Variants in P4HA1 observed in about 807,000 individuals in gnomAD.
P4HA1 encodes the protein prolyl 4-hydroxylase subunit alpha 1.
A neutral mutation model predicts 72.8 loss-of-function variants in P4HA1; 24 were observed. The observed-to-expected ratio is 0.33, with a 90% CI of 0.24 to 0.46. The LOEUF (loss-of-function observed/expected upper bound fraction) is 0.46, where lower values mean the gene tolerates loss of function less well. Among genes scored for constraint, P4HA1 ranks in the 20% least tolerant of loss-of-function variants. P4HA1 has a pLI of 1.00. For synonymous variants in P4HA1, 201 were observed against 218.8 expected, an observed-to-expected ratio of 0.92 and a Z score of 0.72; for missense variants, 446 against 640.6, an observed-to-expected ratio of 0.70 and a Z score of 3.28.
chr10:73,030,322 C>T lies in P4HA1; in HGVS notation c.1197G>A (p.Met399Ile), dbSNP rs1344029503. The T allele has an allele frequency of 1.3e-6, 2 of 1,580,862 alleles. No homozygotes were observed. The highest frequency in any genetic ancestry group is 1.7e-5 in the Admixed American group (1 of 58,878). ...CTAGTCCTGTTAGATCTTGTATTCT[C>T]ATATTAATTCGAGACACCACAGGAT... ...YENPVVSRIN[M>I]RIQDLTGLDV... The change falls in exon 10 of 15, where the codon ATG becomes ATA. Residue 399 changes from methionine (M) to isoleucine (I), a missense_variant. By Grantham distance (10) the Met-to-Ile change is conservative. Transcript: ENST00000394890.
chr10:73,019,857 G>GA (rs919740416), intron 10 of P4HA1, among the ~76,000 whole-genome samples: 5 of 149,302 alleles, frequency 3.3e-5, no homozygotes, highest in African/African-American at 9.8e-5. Context: ...ACTCAGAGGG[G>GA]AAAAAAAAAG....
chr10:73,040,501 G>A (rs1176685148), intron 9 of P4HA1, among the ~76,000 whole-genome samples: 1 of 139,572 alleles, frequency 7.2e-6, no homozygotes, highest in Admixed American at 7.3e-5. Flanking sequence ...TTTTTGAGAT[G>A]GATCTCTCTC....
chr10:73,058,868 G>A (rs561009271), intron 5 of P4HA1, among the ~76,000 whole-genome samples: 18 of 142,362 alleles, frequency 1.3e-4, no homozygotes, highest in Admixed American at 2.2e-4. Context: ...TCCGTGCCCC[G>A]CCGGGTTCAA....
chr10:73,067,362 G>C (rs1192576702), intron 5 of P4HA1, among the ~76,000 whole-genome samples: 1 of 152,156 alleles, frequency 6.6e-6, no homozygotes, highest in Admixed American at 6.5e-5. Context: ...TCGGCAGCCA[G>C]AATGGTTTTC....
intron 1 of P4HA1, among the ~76,000 whole-genome samples, chr10:73,096,180 T>A (rs980399778): frequency 6.6e-6 from 1 of 152,226 alleles, no homozygotes; most frequent in Non-Finnish European, 1.5e-5. Context: ...TGGCAGCTAA[T>A]GCTGCACCGC....
intron 10 of P4HA1, among the ~76,000 whole-genome samples, chr10:73,028,618 A>G (rs1466057502): frequency 6.6e-6 from 1 of 152,036 alleles, no homozygotes; most frequent in Non-Finnish European, 1.5e-5. Context: ...ATTTTTTAGT[A>G]GAGACGGGGT....
intron 5 of P4HA1, among the ~76,000 whole-genome samples, chr10:73,067,556 C>G (rs1185622836): frequency 6.6e-6 from 1 of 152,132 alleles, no homozygotes; most frequent in Non-Finnish European, 1.5e-5. Flanking sequence ...GGTGCGTTCA[C>G]CTCTTGAACT....
At chr10:73,073,905 T>TCAA in intron 2 of P4HA1, 78 bp from the exon 3 acceptor site, 1 of 762,598 alleles carries the variant, frequency 1.3e-6, no homozygotes, top group Non-Finnish European at 2.4e-6. Flanking sequence ...TTGAGACTGT[T>TCAA]TCATTCTATG....
Position 73,053,390 on chromosome 10 carries a change from C to T in P4HA1, c.664G>A (p.Asp222Asn), listed in dbSNP as rs778735708. 10 of 1,613,996 alleles carry T rather than the reference C, an allele frequency of 6.2e-6. No homozygotes were observed. The highest frequency in any genetic ancestry group is 7.6e-6 in the Non-Finnish European group (9 of 1,179,970). The change falls in exon 6 of 15, where the codon GAT becomes AAT. Residue 222 changes from aspartate to asparagine, a missense_variant. Transcript: ENST00000394890. ...TTCTTTGTGAGCAAAAGTGCCTTAT[C>T]CAGGTCTCCCTGCTGATATACCGCA... Reference protein sequence around the residue: ...SYAVYQQGDLDKALLLTKKLL... With the variant: ...SYAVYQQGDLNKALLLTKKLL...
chr10:73,059,984 C>G (rs924540812), intron 5 of P4HA1, among the ~76,000 whole-genome samples: 1 of 151,786 alleles, frequency 6.6e-6, no homozygotes, highest in Non-Finnish European at 1.5e-5. Flanking sequence ...AAAGAAAAAA[C>G]GAGGACAATC....
At chr10:73,069,897 A>G (rs1248079541) in intron 4 of P4HA1, among the ~76,000 whole-genome samples, 1 of 148,988 alleles carries the variant, frequency 6.7e-6, no homozygotes, top group Non-Finnish European at 1.5e-5. Context: ...TGCAACCTCC[A>G]CCTCCCAGGT....
At position 73,090,431 on chromosome 10, in the gene P4HA1, A is replaced by AC. The variant is rs574511680; in HGVS notation, c.-33+6334dup. Among the ~76,000 whole-genome samples, 964 of 152,302 alleles carry AC rather than the reference A, an allele frequency of 6.3e-3. 5 individuals are homozygous for AC. Among genetic ancestry groups the AC allele is most frequent in the Non-Finnish European group, 0.01 (683 of 68,018 alleles). ...TTACAGGCCTAAGCCACTGTGCCTG[A>AC]CCTTGAGGATACTCTTGAAGGTGAT... On this transcript the variant is annotated intron_variant, in intron 1 of 14. Coordinates refer to ENST00000394890, the MANE Select transcript of P4HA1 (RefSeq NM_001017962.3).
At chr10:73,062,448 C>G (rs934014937) in intron 5 of P4HA1, among the ~76,000 whole-genome samples, 2 of 151,992 alleles carry the variant, frequency 1.3e-5, no homozygotes, top group African/African-American at 4.8e-5. Context: ...AACAACATTT[C>G]TCTCAGAATA....
At chr10:73,035,358 A>G (rs532064303) in intron 9 of P4HA1, among the ~76,000 whole-genome samples, 1 of 152,304 alleles carries the variant, frequency 6.6e-6, no homozygotes, top group East Asian at 1.9e-4. Context: ...TTTACAAAAA[A>G]AATTAAAATA....
intron 4 of P4HA1, among the ~76,000 whole-genome samples, chr10:73,069,560 A>G (rs1224441806): frequency 1.3e-5 from 2 of 152,170 alleles, no homozygotes; most frequent in Non-Finnish European, 2.9e-5. Flanking sequence ...AATCAGTTTA[A>G]TTATCAAACA....
chr10:73,072,311 A>G (rs1841582585), intron 3 of P4HA1, 131 bp from the exon 4 acceptor site: 7 of 661,022 alleles, frequency 1.1e-5, no homozygotes, highest in Non-Finnish European at 1.8e-5. Context: ...TTTTAAAGTA[A>G]AAGTATACGG....
At chr10:73,075,118 T>C (rs774908737) in intron 1 of P4HA1, among the ~76,000 whole-genome samples, 11 of 152,152 alleles carry the variant, frequency 7.2e-5, no homozygotes, top group African/African-American at 2.7e-4. Flanking sequence ...CTTTTTTGTG[T>C]TTTTCTCTTT....
At chr10:73,012,128 T>C (rs547199411) in intron 12 of P4HA1, among the ~76,000 whole-genome samples, 1 of 152,204 alleles carries the variant, frequency 6.6e-6, no homozygotes, top group Non-Finnish European at 1.5e-5. Flanking sequence ...GGTGTTTACA[T>C]TAAGAGGGAG....
chr10:73,089,270 A>G (rs978289772), intron 1 of P4HA1, among the ~76,000 whole-genome samples: 1 of 152,220 alleles, frequency 6.6e-6, no homozygotes, highest in African/African-American at 2.4e-5. Flanking sequence ...ATAGAAATAC[A>G]ATTTACTGTT....
Sources: gnomAD v4.1 joint callset for allele counts (sites outside exome capture counted in the v4.1 genomes callset) on GRCh38, gnomAD v4.1.1 for gene constraint, MANE v1.5 for transcripts, NCBI Gene and HGNC (gene_info 2026-07-23, HGNC 2026-07-21) for gene names.